The following CNTRL variants were observed in gnomAD, a reference collection of about 807,000 sequenced individuals.
CNTRL encodes the protein 110 kDa centrosomal protein.
CNTRL carries 233 observed loss-of-function variants against 303.7 expected under a neutral mutation model. The observed-to-expected ratio is 0.77, with a 90% CI of 0.69 to 0.86. The LOEUF is 0.86. CNTRL is among the 40% of genes least tolerant of loss of function. The probability of loss-of-function intolerance (pLI) is 0.00; values close to 1 mark genes in which losing one functional copy is unlikely to be tolerated. For missense variants in CNTRL, 2,524 were observed against 2,650.6 expected (o/e 0.95, Z 1.05); for synonymous variants, 900 against 922.2 (o/e 0.98, Z 0.44).
chr9:121,122,455 T>G (rs943316292), intron 12 of CNTRL: 1 of 927,878 alleles, frequency 1.1e-6, no homozygotes, highest in African/African-American at 1.8e-5. Flanking sequence ...TTGAGTAATA[T>G]TCTTTTATAA....
intron 16 of CNTRL, among the ~76,000 whole-genome samples, chr9:121,139,459 A>G (rs1368295001): frequency 6.6e-6 from 1 of 152,192 alleles, no homozygotes; most frequent in Non-Finnish European, 1.5e-5. Context: ...AAATAAGACT[A>G]AACTCACCCA....
At chr9:121,097,648 TATG>T (rs2048947265) in intron 6 of CNTRL, among the ~76,000 whole-genome samples, 6 of 152,210 alleles carry the variant, frequency 3.9e-5, no homozygotes, top group Non-Finnish European at 7.3e-5. Flanking sequence ...CTGTTGATGC[TATG>T]GGATGATGGG....
intron 13 of CNTRL, 67 bp from the exon 14 acceptor site, chr9:121,125,649 A>C: frequency 7.3e-7 from 1 of 1,377,076 alleles, no homozygotes; most frequent in Admixed American, 1.8e-5. Flanking sequence ...GGCTTATAAC[A>C]AAATGCTGAG....
chr9:121,159,383 C>T (rs1351163540), intron 31 of CNTRL, among the ~76,000 whole-genome samples: 2 of 152,148 alleles, frequency 1.3e-5, no homozygotes. Context: ...TCTGTAATCC[C>T]AGCACTTTGG....
intron 14 of CNTRL, among the ~76,000 whole-genome samples, chr9:121,134,873 T>C (rs1040577397): frequency 2.0e-5 from 3 of 152,266 alleles, no homozygotes; most frequent in African/African-American, 7.2e-5. Flanking sequence ...TTCCCTATTC[T>C]ATTTTTTGTT....
In CNTRL at chr9:121,171,515, G is replaced by C. The variant is rs144962521; in HGVS notation, c.6384G>C (p.Gln2128His). 5 of 1,613,994 alleles carry C rather than the reference G, an allele frequency of 3.1e-6. No homozygotes were observed. The highest frequency in any genetic ancestry group is 4.2e-6 in the Non-Finnish European group (5 of 1,179,930). The stretch of plus-strand genomic sequence containing the variant: ...GGCGCCTGATGAAGGAGCTCAACCA[G>C]ATGCAGTATGAGTACACGGAGCTCA... Reference protein sequence around the residue: ...RARRLMKELNQMQYEYTELKK... With the variant: ...RARRLMKELNHMQYEYTELKK... The change falls in exon 40 of 44, where the codon CAG (glutamine) becomes CAC (histidine). Residue 2128 changes from glutamine (Q) to histidine (H), a missense_variant. Coordinates refer to ENST00000373855, the MANE Select transcript of CNTRL (RefSeq NM_007018.6).
intron 12 of CNTRL, 137 bp downstream of exon 12, chr9:121,118,677 C>A: frequency 1.7e-6 from 1 of 571,546 alleles, no homozygotes; most frequent in Non-Finnish European, 2.8e-6. Flanking sequence ...TACATACAGT[C>A]AGCCCTCCAT....
At chr9:121,162,332 C>G (rs1046354818) in intron 34 of CNTRL, 61 bp downstream of exon 34, 2 of 1,429,640 alleles carry the variant, frequency 1.4e-6, no homozygotes, top group Admixed American at 1.7e-5. Flanking sequence ...ATTATAAACA[C>G]ACTATAAAAA....
At chr9:121,103,866 C>T (rs1330431498) in intron 7 of CNTRL, among the ~76,000 whole-genome samples, 4 of 151,932 alleles carry the variant, frequency 2.6e-5, no homozygotes, top group South Asian at 2.1e-4. Context: ...CATTAAAAAG[C>T]CAGGAAACAA....
At chr9:121,149,951 C>T (rs1170988334) in intron 24 of CNTRL, among the ~76,000 whole-genome samples, 3 of 152,106 alleles carry the variant, frequency 2.0e-5, no homozygotes, top group African/African-American at 7.2e-5. Flanking sequence ...AACAGATAAA[C>T]ATAAGAAAAA....
chr9:121,171,532 C>A lies in CNTRL; in HGVS notation c.6401C>A (p.Thr2134Lys), dbSNP rs538492450. The change falls in exon 40 of 44, where the codon ACG becomes AAG. Residue 2134 changes from threonine to lysine, a missense_variant. Physicochemically the swap from Thr to Lys is moderately conservative, Grantham distance 78. Coordinates refer to ENST00000373855, the MANE Select transcript of CNTRL (RefSeq NM_007018.6). ...CTCAACCAGATGCAGTATGAGTACACGGAGCTCAAGAAACAGGTGTGTGCC... is the reference window on the plus strand; with the variant it reads ...CTCAACCAGATGCAGTATGAGTACAAGGAGCTCAAGAAACAGGTGTGTGCC... ...KELNQMQYEY[T>K]ELKKQMANQK... The A allele has an allele frequency of 6.2e-7, 1 of 1,613,590 alleles. No homozygotes were observed. The highest frequency in any genetic ancestry group is 8.5e-7 in the Non-Finnish European group (1 of 1,179,734).
At position 121,134,448 on chromosome 9, in the gene CNTRL, G is replaced by A. The variant is rs371187027; in HGVS notation, c.2026-1358G>A. ...TGGGACTACAGGCGTGTGCCACCACGCCTGGCTAATTTTTTTGTGTGTGTG... is the reference window on the plus strand; with the variant it reads ...TGGGACTACAGGCGTGTGCCACCACACCTGGCTAATTTTTTTGTGTGTGTG... On this transcript the variant is annotated intron_variant, in intron 14 of 43. Coordinates refer to ENST00000373855, the MANE Select transcript of CNTRL (RefSeq NM_007018.6). Among the ~76,000 whole-genome samples, 4 of 152,130 alleles carry A rather than the reference G, an allele frequency of 2.6e-5. No homozygotes were observed. In the East Asian group the frequency reaches 5.8e-4, roughly 22 times the overall value.
intron 7 of CNTRL, among the ~76,000 whole-genome samples, chr9:121,106,610 G>A (rs2049486565): frequency 6.6e-6 from 1 of 152,064 alleles, no homozygotes; most frequent in African/African-American, 2.4e-5. Flanking sequence ...ATAGAAGAAA[G>A]TGTATGGGAA....
rs568291438 is a variant in CNTRL at position 121,112,495 on chromosome 9, C to G, written c.1039C>G (p.Gln347Glu). 3 of 1,612,914 alleles carry G rather than the reference C, an allele frequency of 1.9e-6. No individual in the cohort carries two copies. The East Asian group carries it at 6.7e-5, about 36-fold the overall frequency. ...GACCATAGAATTAACACGAGCATGT[C>G]AGAAGCAATATGAGCTGGAACAGGA... ...QKTIELTRAC[Q>E]KQYELEQELA... Residue 347 changes from glutamine to glutamate, a missense_variant, in exon 9 of 44, where the codon CAG becomes GAG. By Grantham distance (29) the Gln-to-Glu change is conservative. Coordinates refer to ENST00000373855, the MANE Select transcript of CNTRL (RefSeq NM_007018.6).
chr9:121,141,287 G>A (rs988644075), intron 17 of CNTRL, 94 bp from the exon 18 acceptor site: 7 of 1,003,970 alleles, frequency 7.0e-6, no homozygotes, highest in Non-Finnish European at 1.1e-5. Context: ...CCTGCACACA[G>A]CTTTTTACTC....
At chr9:121,101,778 C>T (rs571535759) in intron 7 of CNTRL, among the ~76,000 whole-genome samples, 124 of 152,236 alleles carry the variant, frequency 8.1e-4, no homozygotes, top group African/African-American at 2.4e-3. Context: ...AACACCTCTA[C>T]GCAAATAAGC....
chr9:121,108,707 A>G (rs902454315), intron 8 of CNTRL, among the ~76,000 whole-genome samples: 1 of 152,092 alleles, frequency 6.6e-6, no homozygotes, highest in African/African-American at 2.4e-5. Flanking sequence ...GCTGAGGTGC[A>G]AGGATCACTT....
chr9:121,097,639 T>C (rs1454906565), intron 6 of CNTRL, among the ~76,000 whole-genome samples: 1 of 152,204 alleles, frequency 6.6e-6, no homozygotes, highest in East Asian at 1.9e-4. Context: ...ACCTTGGGGC[T>C]GTTGATGCTA....
chr9:121,103,551 G>A lies in CNTRL; in HGVS notation c.809-4251G>A, dbSNP rs559172976. Among the ~76,000 whole-genome samples, 4 of 152,274 alleles carry A rather than the reference G, an allele frequency of 2.6e-5. No individual in the cohort carries two copies. The South Asian group carries it at 8.3e-4, about 32-fold the overall frequency. ...AACAAAAGCCAAAATTGACAGATGG[G>A]ATCTAATTAAACTAAAGAGCTTCTG... On this transcript the variant is annotated intron_variant, in intron 7 of 43. Coordinates refer to ENST00000373855, the MANE Select transcript of CNTRL (RefSeq NM_007018.6).
Sources: allele counts gnomAD v4.1 joint callset (sites outside exome capture counted in the v4.1 genomes callset), GRCh38; gene constraint gnomAD v4.1.1; transcripts MANE v1.5; gene names NCBI Gene and HGNC (gene_info 2026-07-23, HGNC 2026-07-21).